The following KNL1 variants were observed in gnomAD, a reference collection of about 807,000 sequenced individuals.
The protein encoded by KNL1 is outer kinetochore KNL1 complex subunit KNL1.
KNL1 carries 66 observed loss-of-function variants against 201.3 expected under a neutral mutation model. That is an observed-to-expected ratio of 0.33 (90% confidence interval 0.27 to 0.40). The LOEUF (loss-of-function observed/expected upper bound fraction) is 0.40. KNL1 is among the 10% of genes least tolerant of loss of function. The pLI is 1.00. For missense variants in KNL1, 2,815 were observed against 2,690.5 expected (o/e 1.05, Z -1.02); for synonymous variants, 895 against 899.2 (o/e 1.00, Z 0.08).
At chr15:40,645,550 G>T in intron 15 of KNL1, 106 bp from the exon 16 acceptor site, 1 of 529,482 alleles carries the variant, frequency 1.9e-6, no homozygotes, top group Non-Finnish European at 3.3e-6. Context: ...ATTTGCAAAT[G>T]ACAAATATCC....
At position 40,621,693 on chromosome 15, in the gene KNL1, A is replaced by G. The variant is rs199772806; in HGVS notation, c.1429A>G (p.Ile477Val). The stretch of plus-strand genomic sequence containing the variant: ...TATGTCTTCTCTCACAGAGAAAACT[A>G]TTTATTCCGGAGAGGAGAACATGGA... ...DAMSSLTEKT[I>V]YSGEENMDIT... Residue 477 changes from isoleucine (I) to valine (V), a missense_variant, in exon 10 of 26, where the codon ATT becomes GTT. Coordinates refer to ENST00000399668, the MANE Select transcript of KNL1 (RefSeq NM_144508.5). 5.5e-5 allele frequency: 89 copies of G among 1,610,730 alleles called. No homozygotes were observed. The highest frequency in any genetic ancestry group is 7.2e-5 in the Non-Finnish European group (85 of 1,177,334).
At chr15:40,651,326 G>T in intron 19 of KNL1, 145 bp from the exon 20 acceptor site, 1 of 334,536 alleles carries the variant, frequency 3.0e-6, no homozygotes, top group East Asian at 5.0e-5. Flanking sequence ...AACTAAGAAT[G>T]CAGAAATGGA....
intron 7 of KNL1, 33 bp from the exon 8 acceptor site, chr15:40,615,308 G>T (rs538845734): frequency 2.2e-5 from 13 of 603,658 alleles, no homozygotes; most frequent in Middle Eastern, 4.2e-4. Context: ...ATTGTTTGGG[G>T]TATAGATTAT....
At chr15:40,597,942 C>T (rs1005971685) in intron 1 of KNL1, among the ~76,000 whole-genome samples, 1 of 152,188 alleles carries the variant, frequency 6.6e-6, no homozygotes, top group Admixed American at 6.5e-5. Flanking sequence ...GAGGCCGAGG[C>T]GGGCAGATCA....
intron 3 of KNL1, 44 bp from the exon 4 acceptor site, chr15:40,606,349 A>G: frequency 8.6e-7 from 1 of 1,161,100 alleles, no homozygotes; most frequent in Non-Finnish European, 1.3e-6. Flanking sequence ...GATTCTTAAT[A>G]GATATGCCAG....
rs377578399 is a variant in KNL1 at position 40,652,024 on chromosome 15, G to A, written c.6334G>A (p.Val2112Ile). ...CTACAGCTTGTCTGAGTGGGATGTC[G>A]TTGAGTGGAGTGATGATCAAGCTGT... The part of the protein sequence containing the change: ...DQLSLSEWDV[V>I]EWSDDQAVFT... The change falls in exon 21 of 26, where the codon GTT becomes ATT. Residue 2112 changes from valine to isoleucine, a missense_variant. By Grantham distance (29) the Val-to-Ile change is conservative. This residue lies in a region of KNL1 where 334 missense variants were observed against 362.6 expected (regional missense o/e 0.92). Coordinates refer to ENST00000399668, the MANE Select transcript of KNL1 (RefSeq NM_144508.5). The A allele has an allele frequency of 2.1e-5, 34 of 1,613,006 alleles. No individual in the cohort carries two copies. In the Middle Eastern group the frequency reaches 1.2e-3, roughly 55 times the overall value.
intron 21 of KNL1, among the ~76,000 whole-genome samples, chr15:40,652,738 G>A (rs1893606274): frequency 7.6e-6 from 1 of 131,624 alleles, no homozygotes. Context: ...ACTCCAGCCT[G>A]GGCAACAGAG....
rs535508363 is a variant in KNL1 at position 40,604,108 on chromosome 15, G to C, written c.36-1002G>C. Among the ~76,000 whole-genome samples the C allele has an allele frequency of 2.1e-5, 3 of 144,546 alleles. No homozygotes were observed. In the East Asian group the frequency reaches 5.9e-4, roughly 28 times the overall value. 94.8% of individuals were successfully genotyped at this position (144,546 alleles called of 152,430 possible). A position where few individuals can be genotyped will look rare whatever the true frequency, so the allele number is the denominator to read the frequency against. ...GTTCTGCCTCCTACCTCAAGACCCT[G>C]TCTCACATATCATCATCATCATCAT... On this transcript the variant is annotated intron_variant, in intron 2 of 25. Transcript: ENST00000399668.
intron 14 of KNL1, among the ~76,000 whole-genome samples, chr15:40,644,475 G>A (rs938463463): frequency 6.6e-6 from 1 of 152,226 alleles, no homozygotes; most frequent in African/African-American, 2.4e-5. Flanking sequence ...TATCTCAACT[G>A]CAAGAGGCTT....
rs183942800 is a variant in KNL1, at chr15:40,643,489, A to T, written c.5799-1508A>T. ...GGGAACTTTTATTAAAATAATACAT[A>T]AAAAAATTAGCTGGGCGTGGTGGCA... is the stretch of plus-strand genomic sequence containing the variant. On this transcript the variant is annotated intron_variant, in intron 14 of 25. Transcript: ENST00000399668. Among the ~76,000 whole-genome samples, 5 of 152,142 alleles carry T rather than the reference A, an allele frequency of 3.3e-5. No homozygotes were observed. In the East Asian group the frequency reaches 5.8e-4, roughly 18 times the overall value.
rs948378541 is a variant in KNL1 at position 40,663,653 on chromosome 15, T to G, written c.*1465T>G. On this transcript the variant is annotated 3_prime_UTR_variant, in exon 26 of 26. Coordinates refer to ENST00000399668, the MANE Select transcript of KNL1 (RefSeq NM_144508.5). ...GTAATAATAGACTTGCTGTAAGTAT[T>G]GTTTTCTGATGCCATACCCTTGTCA... The G allele has an allele frequency of 1.5e-5, 3 of 195,284 alleles. No individual in the cohort carries two copies. In the East Asian group the frequency reaches 2.4e-4, roughly 16 times the overall value. 12.1% of individuals were successfully genotyped at this position (195,284 alleles called of 1,614,324 possible).
At chr15:40,635,686 G>A (rs1893037100) in intron 13 of KNL1, among the ~76,000 whole-genome samples, 1 of 152,032 alleles carries the variant, frequency 6.6e-6, no homozygotes, top group Non-Finnish European at 1.5e-5. Context: ...GGGGAGAGAT[G>A]TGTGCCAGCC....
intron 13 of KNL1, among the ~76,000 whole-genome samples, chr15:40,630,972 G>A (rs1341568952): frequency 6.6e-6 from 1 of 151,770 alleles, no homozygotes; most frequent in Non-Finnish European, 1.5e-5. Context: ...ACAAAAATTA[G>A]CTGGGCATGG....
In KNL1 at chr15:40,623,936, T is replaced by G. The variant is rs769111571; in HGVS notation, c.3672T>G (p.Val1224=). 6.2e-7 allele frequency: 1 copy of G among 1,613,388 alleles called. No individual in the cohort carries two copies. Among genetic ancestry groups the G allele is most frequent in the Non-Finnish European group, 8.5e-7 (1 of 1,179,914 alleles). Residue 1224 remains valine (V), a synonymous_variant, in exon 10 of 26, where the codon GTT becomes GTG. Transcript: ENST00000399668. ...CACTGGCTGTAGGAAACAAAATAGT[T>G]CTTCACACCGAGCAAAAGCAACAAC... is the stretch of plus-strand genomic sequence containing the variant. ...KQALAVGNKI[V]LHTEQKQQLF...
Position 40,623,508 on chromosome 15 carries a change from C to T in KNL1, c.3244C>T (p.His1082Tyr). The T allele has an allele frequency of 6.2e-7, 1 of 1,612,866 alleles. No individual in the cohort carries two copies. Among genetic ancestry groups the T allele is most frequent in the African/African-American group, 1.3e-5 (1 of 74,896 alleles). The change falls in exon 10 of 26, where the codon CAT becomes TAT. Residue 1082 changes from histidine (H) to tyrosine (Y), a missense_variant. By Grantham distance (83) the His-to-Tyr change is moderately conservative. Coordinates refer to ENST00000399668, the MANE Select transcript of KNL1 (RefSeq NM_144508.5). ...NDKTIVFSEN[H>Y]KNDMDITQSC... is the part of the protein sequence containing the mutation. The stretch of plus-strand genomic sequence containing the variant: ...CAAGACCATTGTATTTTCAGAGAAT[C>T]ATAAAAATGATATGGATATTACCCA...
chr15:40,600,851 CTCTAAGTT>C (rs1486399405), intron 1 of KNL1, among the ~76,000 whole-genome samples: 1 of 152,154 alleles, frequency 6.6e-6, no homozygotes, highest in African/African-American at 2.4e-5. Context: ...CACGTTATGC[CTCTAAGTT>C]CATATTCTTT....
intron 1 of KNL1, among the ~76,000 whole-genome samples, chr15:40,599,237 C>T (rs927126653): frequency 2.0e-5 from 3 of 148,888 alleles, no homozygotes; most frequent in Non-Finnish European, 3.0e-5. Flanking sequence ...GGCATGAACC[C>T]GGGAGGCAGA....
chr15:40,636,480 A>G (rs1331889245), intron 13 of KNL1, among the ~76,000 whole-genome samples: 3 of 152,168 alleles, frequency 2.0e-5, no homozygotes, highest in Non-Finnish European at 4.4e-5. Context: ...AACATATCAG[A>G]AAATAGAGAA....
At chr15:40,628,014 CG>C in intron 10 of KNL1, 55 bp from the exon 11 acceptor site, 4 of 1,164,322 alleles carry the variant, frequency 3.4e-6, no homozygotes, top group Non-Finnish European at 4.7e-6. Context: ...TAGTGTTTGT[CG>C]TAAGTATACA....
Sources: gnomAD v4.1 joint callset for allele counts (sites outside exome capture counted in the v4.1 genomes callset) on GRCh38, gnomAD v4.1.1 for gene constraint, gnomAD v4.1.1 regional missense constraint, MANE v1.5 for transcripts, NCBI Gene and HGNC (gene_info 2026-07-23, HGNC 2026-07-21) for gene names.